Variants in SEZ6L observed in about 807,000 individuals in gnomAD.
The protein encoded by SEZ6L is seizure 6-like protein.
Under a neutral mutation model 106.2 loss-of-function variants are expected in SEZ6L, and 37 were observed. That is an observed-to-expected ratio of 0.35 (90% CI 0.27 to 0.46). The LOEUF (loss-of-function observed/expected upper bound fraction) is 0.46. Ranked by LOEUF, SEZ6L falls within the 20% of genes least tolerant of loss-of-function variation. SEZ6L has a pLI of 1.00. For missense variants in SEZ6L, 1,172 were observed against 1,332.8 expected (o/e 0.88, Z 1.88); for synonymous variants, 541 against 570.4 (o/e 0.95, Z 0.73).
At chr22:26,339,862 T>C (rs1307869922) in intron 9 of SEZ6L, among the ~76,000 whole-genome samples, 2 of 152,104 alleles carry the variant, frequency 1.3e-5, no homozygotes, top group African/African-American at 2.4e-5. Context: ...GTTTTGAAGG[T>C]GATTCTTCTT....
At chr22:26,330,267 T>C (rs1269904948) in intron 9 of SEZ6L, among the ~76,000 whole-genome samples, 5 of 145,554 alleles carry the variant, frequency 3.4e-5, no homozygotes, top group African/African-American at 1.3e-4. Flanking sequence ...TATAACCAGC[T>C]GCTTGAGCTT....
intron 1 of SEZ6L, among the ~76,000 whole-genome samples, chr22:26,203,729 C>T (rs555321781): frequency 4.6e-5 from 7 of 152,098 alleles, no homozygotes; most frequent in Admixed American, 3.9e-4. Flanking sequence ...GTGTTGGACA[C>T]GACCAGGGTC....
intron 1 of SEZ6L, among the ~76,000 whole-genome samples, chr22:26,238,047 G>A (rs950839403): frequency 6.6e-6 from 1 of 152,194 alleles, no homozygotes; most frequent in Non-Finnish European, 1.5e-5. Context: ...CCCCGGGGGA[G>A]ATGGAAGAGT....
intron 1 of SEZ6L, among the ~76,000 whole-genome samples, chr22:26,251,286 T>G (rs2145794049): frequency 6.6e-6 from 1 of 152,324 alleles, no homozygotes; most frequent in East Asian, 1.9e-4. Context: ...ATTTTCCATA[T>G]ATGGCCTTTA....
At chr22:26,325,816 T>G (rs1299473788) in intron 9 of SEZ6L, among the ~76,000 whole-genome samples, 1 of 152,128 alleles carries the variant, frequency 6.6e-6, no homozygotes, top group African/African-American at 2.4e-5. Flanking sequence ...GGCAAGGGCT[T>G]AGTACATTAC....
chr22:26,270,671 C>G (rs1402549535), intron 1 of SEZ6L, among the ~76,000 whole-genome samples: 4 of 152,116 alleles, frequency 2.6e-5, no homozygotes, highest in Admixed American at 1.3e-4. Flanking sequence ...ATCTTTATAC[C>G]CCTTCTTTAT....
At chr22:26,363,163 G>A (rs540126223) in intron 12 of SEZ6L, among the ~76,000 whole-genome samples, 44 of 152,322 alleles carry the variant, frequency 2.9e-4, no homozygotes, top group African/African-American at 1.0e-3. Context: ...ATCTTCTAAT[G>A]TTTCAGAAGA....
chr22:26,278,902 A>C (rs9608480), intron 1 of SEZ6L, among the ~76,000 whole-genome samples: 1 of 144,624 alleles, frequency 6.9e-6, no homozygotes, highest in Admixed American at 6.9e-5. Context: ...AAAGAAGGAG[A>C]GGAAGGAAGG....
chr22:26,320,466 A>G (rs596633), intron 9 of SEZ6L, among the ~76,000 whole-genome samples: 35,080 of 152,232 alleles, frequency 0.23, 4,315 homozygotes, highest in Non-Finnish European at 0.26. Context: ...CATCAAAATC[A>G]ATTCAGTCCC....
chr22:26,218,298 C>T (rs780559844), intron 1 of SEZ6L, among the ~76,000 whole-genome samples: 10 of 152,080 alleles, frequency 6.6e-5, no homozygotes, highest in Non-Finnish European at 1.3e-4. Flanking sequence ...AGGTTTGTTA[C>T]ATAGGTACAA....
intron 1 of SEZ6L, among the ~76,000 whole-genome samples, chr22:26,182,045 G>T (rs1939434060): frequency 6.6e-6 from 1 of 152,084 alleles, no homozygotes; most frequent in Non-Finnish European, 1.5e-5. Context: ...TCTAGACTGA[G>T]GTCCCTCCAA....
intron 9 of SEZ6L, among the ~76,000 whole-genome samples, chr22:26,328,137 G>T (rs1319520384): frequency 2.0e-5 from 3 of 152,164 alleles, no homozygotes; most frequent in Admixed American, 1.3e-4. Flanking sequence ...TACAATTTGT[G>T]GATTCTGCGA....
At chr22:26,193,901 A>G (rs1330632765) in intron 1 of SEZ6L, among the ~76,000 whole-genome samples, 1 of 152,328 alleles carries the variant, frequency 6.6e-6, no homozygotes, top group South Asian at 2.1e-4. Context: ...GTTAACCAGA[A>G]TGGAATCACT....
chr22:26,261,172 A>T (rs9620599), intron 1 of SEZ6L, among the ~76,000 whole-genome samples: 3,940 of 151,874 alleles, frequency 0.026, 82 homozygotes, highest in Non-Finnish European at 0.04. Context: ...ATTTTCTCTC[A>T]CTCTGTGGGT....
chr22:26,241,290 G>A (rs17301856), intron 1 of SEZ6L: 6,515 of 152,170 alleles, frequency 0.043, 190 homozygotes, highest in Non-Finnish European at 0.069. Context: ...GGAATGGATC[G>A]TCATCTTCCT....
At chr22:26,301,407 G>C (rs765450020) in intron 5 of SEZ6L, among the ~76,000 whole-genome samples, 2 of 152,220 alleles carry the variant, frequency 1.3e-5, no homozygotes, top group Non-Finnish European at 2.9e-5. Flanking sequence ...CAGGGACCCT[G>C]ACCCAGTTCC....
At chr22:26,237,759 A>G (rs1602114268) in intron 1 of SEZ6L, among the ~76,000 whole-genome samples, 1 of 151,842 alleles carries the variant, frequency 6.6e-6, no homozygotes, top group South Asian at 2.1e-4. Context: ...CACCCACCCC[A>G]CCCCACCTGC....
chr22:26,172,043 G>C (rs552652393), intron 1 of SEZ6L, among the ~76,000 whole-genome samples: 1 of 152,172 alleles, frequency 6.6e-6, no homozygotes, highest in African/African-American at 2.4e-5. Flanking sequence ...CCATTTCGCT[G>C]TAAGGCATGA....
chr22:26,253,534 C>T (rs1050454461), intron 1 of SEZ6L, among the ~76,000 whole-genome samples: 2 of 152,206 alleles, frequency 1.3e-5, no homozygotes, highest in Admixed American at 1.3e-4. Context: ...TTTTTTAAAC[C>T]CACAGTGCCG....
Sources: allele counts gnomAD v4.1 joint callset (sites outside exome capture counted in the v4.1 genomes callset), GRCh38; gene constraint gnomAD v4.1.1; transcripts MANE v1.5; gene names NCBI Gene and HGNC (gene_info 2026-07-23, HGNC 2026-07-21).